The following CREBRF variants were observed in gnomAD, a reference collection of about 807,000 sequenced individuals.
The protein encoded by CREBRF is UPF0474 protein C5orf41.
In CREBRF, 5 loss-of-function variants were observed where a neutral mutation model predicts 66.1. The observed-to-expected ratio is 0.08, with a 90% CI of 0.04 to 0.16. The LOEUF is 0.16. Ranked by LOEUF, CREBRF falls within the 10% of genes least tolerant of loss-of-function variation. The pLI, the probability that CREBRF is intolerant of heterozygous loss-of-function variation, is 1.00. For missense variants in CREBRF, 531 were observed against 744.9 expected (o/e 0.71, Z 3.34); for synonymous variants, 229 against 264.4 (o/e 0.87, Z 1.30).
intron 8 of CREBRF, among the ~76,000 whole-genome samples, chr5:173,131,430 T>C (rs1268582169): frequency 6.6e-6 from 1 of 152,192 alleles, no homozygotes. Flanking sequence ...GATCATGCAT[T>C]GCATTTAGTC....
intron 1 of CREBRF, among the ~76,000 whole-genome samples, chr5:173,076,627 A>G (rs1207940470): frequency 1.3e-5 from 2 of 151,780 alleles, no homozygotes; most frequent in African/African-American, 4.8e-5. Context: ...GTGGTGCTGC[A>G]TGCCTGTAAT....
chr5:173,124,904 T>C (rs1287423189), intron 8 of CREBRF, among the ~76,000 whole-genome samples: 2 of 145,658 alleles, frequency 1.4e-5, no homozygotes, highest in East Asian at 3.9e-4. Flanking sequence ...TTCCTTCTTC[T>C]TCTTTCTTCT....
intron 2 of CREBRF, among the ~76,000 whole-genome samples, chr5:173,083,598 A>C (rs1445547158): frequency 3.3e-5 from 5 of 152,214 alleles, no homozygotes; most frequent in African/African-American, 1.2e-4. Flanking sequence ...AGTGATGCCC[A>C]AATTGTCTTC....
chr5:173,132,045 A>C (rs1759440850), intron 8 of CREBRF, among the ~76,000 whole-genome samples: 1 of 145,984 alleles, frequency 6.9e-6, no homozygotes, highest in South Asian at 2.2e-4. Flanking sequence ...TTTTTATGAT[A>C]TCTTTTGACT....
At chr5:173,121,383 C>T (rs938893365) in intron 7 of CREBRF, among the ~76,000 whole-genome samples, 10 of 150,186 alleles carry the variant, frequency 6.7e-5, no homozygotes, top group South Asian at 4.2e-4. Context: ...AGTGCAGTGG[C>T]GCAGTCTCGG....
chr5:173,077,682 C>T (rs1297763213), intron 1 of CREBRF, among the ~76,000 whole-genome samples: 1 of 152,166 alleles, frequency 6.6e-6, no homozygotes, highest in Non-Finnish European at 1.5e-5. Context: ...GTGTGAGCTA[C>T]CACCCCCAGC....
At chr5:173,110,456 C>T (rs777602609) in intron 5 of CREBRF, 66 bp from the exon 6 acceptor site, 3 of 1,140,742 alleles carry the variant, frequency 2.6e-6, no homozygotes, top group Admixed American at 3.4e-5. Flanking sequence ...AAAAATGTGG[C>T]CGTGAAAAAC....
intron 4 of CREBRF, among the ~76,000 whole-genome samples, chr5:173,093,051 A>G (rs1758389860): frequency 1.3e-5 from 2 of 152,252 alleles, no homozygotes; most frequent in Admixed American, 1.3e-4. Flanking sequence ...GGAAGATCAT[A>G]GTGCTCTTCA....
At chr5:173,058,661 A>AT (rs1226463722) in intron 1 of CREBRF, among the ~76,000 whole-genome samples, 48 of 138,314 alleles carry the variant, frequency 3.5e-4, no homozygotes, top group Middle Eastern at 4.7e-3. Context: ...TTTTTTTTGT[A>AT]TTTTTAGTAG....
Position 173,085,890 on chromosome 5 carries a change from C to G in CREBRF, c.10-611C>G. 5.8e-6 allele frequency: 5 copies of G among 866,878 alleles called. No individual in the cohort carries two copies. The South Asian group carries it at 6.5e-5, about 11-fold the overall frequency. The allele number at this position is 866,878 out of a possible 1,614,324, so 53.7% of individuals were successfully genotyped here. Reference sequence around the variant, plus strand: ...TCTCTGAGATCAGTTTGGGTCCCAACAAGCAAGAAAGGAGTCTTTGGGACA... The same window carrying G: ...TCTCTGAGATCAGTTTGGGTCCCAAGAAGCAAGAAAGGAGTCTTTGGGACA... On this transcript the variant is annotated intron_variant, in intron 2 of 8. Coordinates refer to ENST00000296953, the MANE Select transcript of CREBRF (RefSeq NM_153607.3).
At chr5:173,063,064 T>TA (rs1247940937) in intron 1 of CREBRF, among the ~76,000 whole-genome samples, 1 of 152,066 alleles carries the variant, frequency 6.6e-6, no homozygotes. Flanking sequence ...TCATTCTTGC[T>TA]AATAAGTCTG....
At chr5:173,062,848 C>A (rs1189627755) in intron 1 of CREBRF, among the ~76,000 whole-genome samples, 2 of 149,438 alleles carry the variant, frequency 1.3e-5, no homozygotes, top group Non-Finnish European at 3.0e-5. Context: ...CCCGGGTTCA[C>A]GCCATTCTCC....
chr5:173,070,235 A>G (rs1757557702), intron 1 of CREBRF, among the ~76,000 whole-genome samples: 1 of 152,130 alleles, frequency 6.6e-6, no homozygotes, highest in Non-Finnish European at 1.5e-5. Context: ...CCTTGCTAAC[A>G]ACAGCATCAA....
rs1757910204 is a variant in CREBRF at position 173,080,587 on chromosome 5, A to G, written c.-189A>G. ...AGTTACTTTGTGTTGTTTGACAGAC[A>G]GCATCGCACAGAATTATTTTAAAAA... On this transcript the variant is annotated splice_region_variant and 5_prime_UTR_variant, in exon 2 of 9. Transcript: ENST00000296953. The G allele has an allele frequency of 3.6e-6, 2 of 562,938 alleles. No individual in the cohort carries two copies. The highest frequency in any genetic ancestry group is 6.4e-6 in the Non-Finnish European group (2 of 310,330). 34.9% of individuals were successfully genotyped at this position (562,938 alleles called of 1,614,324 possible). A position where few individuals can be genotyped will look rare whatever the true frequency, so the allele number is the denominator to read the frequency against.
intron 8 of CREBRF, among the ~76,000 whole-genome samples, chr5:173,125,738 C>T (rs1696837091): frequency 6.6e-6 from 1 of 152,212 alleles, no homozygotes; most frequent in Admixed American, 6.5e-5. Flanking sequence ...GTGGCACGCG[C>T]CGGTAGTCCC....
intron 8 of CREBRF, among the ~76,000 whole-genome samples, chr5:173,132,756 C>T (rs541561801): frequency 5.9e-4 from 88 of 149,504 alleles, no homozygotes; most frequent in Admixed American, 1.9e-3. Flanking sequence ...TGTGCCACCA[C>T]ACCTGGGTAA....
chr5:173,079,816 G>T (rs185198090), intron 1 of CREBRF, among the ~76,000 whole-genome samples: 1 of 152,196 alleles, frequency 6.6e-6, no homozygotes, highest in Admixed American at 6.5e-5. Context: ...AAAATGAAGC[G>T]AGTATAACTG....
intron 4 of CREBRF, among the ~76,000 whole-genome samples, chr5:173,100,118 GTA>G (rs1554125222): frequency 7.9e-5 from 7 of 88,376 alleles, no homozygotes; most frequent in Admixed American, 1.4e-4. Flanking sequence ...GTGTGTGTGT[GTA>G]TATATATATA....
intron 7 of CREBRF, 50 bp downstream of exon 7, chr5:173,112,429 C>T: frequency 8.1e-7 from 1 of 1,235,940 alleles, no homozygotes; most frequent in Non-Finnish European, 1.2e-6. Context: ...GATTTGCTGA[C>T]CACTCTCTCT....
Sources: allele counts gnomAD v4.1 joint callset (sites outside exome capture counted in the v4.1 genomes callset), GRCh38; gene constraint gnomAD v4.1.1; transcripts MANE v1.5; gene names NCBI Gene and HGNC (gene_info 2026-07-23, HGNC 2026-07-21).